ACBD6: variants seen among roughly 807,000 people sequenced by gnomAD.
ACBD6 encodes acyl-CoA binding domain containing 6, also known as acyl-CoA-binding domain-containing protein 6.
A neutral mutation model predicts 37.2 loss-of-function variants in ACBD6; 28 were observed. The ratio of observed to expected loss-of-function variants is 0.75; its 90% CI spans 0.56 to 1.03. ACBD6 has a LOEUF of 1.03. ACBD6 is among the 50% of genes least tolerant of loss of function. The pLI is 0.00. For missense variants in ACBD6, 340 were observed against 337.4 expected (o/e 1.01, Z -0.06); for synonymous variants, 113 against 126.8 (o/e 0.89, Z 0.73).
At chr1:180,423,045 C>T (rs1648438305) in intron 4 of ACBD6, among the ~76,000 whole-genome samples, 1 of 152,008 alleles carries the variant, frequency 6.6e-6, no homozygotes, top group South Asian at 2.1e-4. Context: ...TTGTGATGAA[C>T]TTTTTATAAC....
rs1052090094 is a variant in ACBD6 at position 180,294,138 on chromosome 1, G to A, written c.695-5621C>T. Among the ~76,000 whole-genome samples the A allele has an allele frequency of 5.3e-4, 80 of 151,744 alleles. 1 individual carries two copies. The highest frequency in any genetic ancestry group is 5.0e-4 in the Non-Finnish European group (34 of 67,864). ...TCGAACTCCTGACCTCAGGTGATCC[G>A]CCCGCCCCAGCCTCCCAAAGTGCTG... is the stretch of plus-strand genomic sequence containing the variant. On this transcript the variant is annotated intron_variant, in intron 7 of 7. Coordinates refer to ENST00000367595, the MANE Select transcript of ACBD6 (RefSeq NM_032360.4).
chr1:180,412,663 C>G (rs1275765218), intron 5 of ACBD6, among the ~76,000 whole-genome samples: 1 of 152,004 alleles, frequency 6.6e-6, no homozygotes, highest in African/African-American at 2.4e-5. Context: ...GCCAGGAGGA[C>G]AAGACCAACC....
chr1:180,436,165 TG>T (rs1326337492), intron 3 of ACBD6, among the ~76,000 whole-genome samples: 2 of 152,186 alleles, frequency 1.3e-5, no homozygotes, highest in African/African-American at 4.8e-5. Flanking sequence ...GGGGGTAACT[TG>T]GTGGCCCCTT....
intron 6 of ACBD6, among the ~76,000 whole-genome samples, chr1:180,317,230 GT>G (rs2149292375): frequency 6.6e-6 from 1 of 152,250 alleles, no homozygotes; most frequent in South Asian, 2.1e-4. Flanking sequence ...AGAGAGTGTG[GT>G]CAAAGAAGCT....
At chr1:180,389,111 G>A (rs775108646) in intron 6 of ACBD6, among the ~76,000 whole-genome samples, 1 of 152,068 alleles carries the variant, frequency 6.6e-6, no homozygotes, top group Non-Finnish European at 1.5e-5. Context: ...CCATTGACTC[G>A]TCATTTAGCA....
chr1:180,432,341 G>T (rs551673361), intron 3 of ACBD6, among the ~76,000 whole-genome samples: 16 of 152,114 alleles, frequency 1.1e-4, no homozygotes, highest in African/African-American at 3.9e-4. Flanking sequence ...AAGAAAATTT[G>T]CAAAACACTT....
At chr1:180,368,833 T>C (rs1653148824) in intron 6 of ACBD6, among the ~76,000 whole-genome samples, 1 of 152,114 alleles carries the variant, frequency 6.6e-6, no homozygotes, top group African/African-American at 2.4e-5. Flanking sequence ...GTGTATGTGG[T>C]ATCCTTTCCT....
In ACBD6 at chr1:180,494,110, A is replaced by G. The variant is rs148747984; in HGVS notation, c.287+1351T>C. ...AAAAGTAAATGGTGGGTCAGCCTGT[A>G]ACCCACGGTTTTGCTCCCCAATAGT... On this transcript the variant is annotated intron_variant, in intron 2 of 7. Transcript: ENST00000367595. Among the ~76,000 whole-genome samples the G allele has an allele frequency of 4.6e-3, 700 of 152,304 alleles. 4 individuals carry two copies. Among genetic ancestry groups the G allele is most frequent in the Non-Finnish European group, 5.3e-3 (361 of 68,028 alleles).
In ACBD6 at chr1:180,434,763, C is replaced by T. The variant is rs78567686; in HGVS notation, c.385-4501G>A. 3,165 of 626,026 alleles carry T rather than the reference C, an allele frequency of 5.1e-3. 50 individuals are homozygous for T. The highest frequency in any genetic ancestry group is 0.038 in the African/African-American group (2,056 of 54,742). The allele number at this position is 626,026 out of a possible 1,614,324, so 38.8% of individuals were successfully genotyped here. On this transcript the variant is annotated intron_variant, in intron 3 of 7. Coordinates refer to ENST00000367595, the MANE Select transcript of ACBD6 (RefSeq NM_032360.4). ...TAAAACTACCTCAACAGGCCATAGC[C>T]GCAACCGAGCCTGCTGCCAATGCCT...
intron 3 of ACBD6, among the ~76,000 whole-genome samples, chr1:180,490,642 C>T (rs1651456112): frequency 6.6e-6 from 1 of 151,472 alleles, no homozygotes; most frequent in Admixed American, 6.6e-5. Flanking sequence ...AAAAATTAAC[C>T]GGGTGTGGTG....
intron 3 of ACBD6, among the ~76,000 whole-genome samples, chr1:180,445,410 T>C (rs1205711267): frequency 1.3e-5 from 2 of 152,172 alleles, no homozygotes; most frequent in Non-Finnish European, 2.9e-5. Context: ...AGAAAACTAA[T>C]ACTTAAGGAA....
chr1:180,421,040 A>G (rs1482660888), intron 4 of ACBD6, among the ~76,000 whole-genome samples: 2 of 151,966 alleles, frequency 1.3e-5, no homozygotes, highest in African/African-American at 4.8e-5. Context: ...TTCGGGGTAC[A>G]TGTACAGGAT....
At chr1:180,368,836 C>T (rs776770821) in intron 6 of ACBD6, among the ~76,000 whole-genome samples, 6 of 151,938 alleles carry the variant, frequency 3.9e-5, no homozygotes, top group Non-Finnish European at 5.9e-5. Flanking sequence ...TATGTGGTAT[C>T]CTTTCCTCTC....
rs1320311628 is a variant in ACBD6 at position 180,417,211 on chromosome 1, T to C, written c.468-3740A>G. ...TCCAGCTCTTCATCTTCTAGATAAA[T>C]GTATTCTTTACTAAACTGATCTACC... On this transcript the variant is annotated intron_variant, in intron 4 of 7. Transcript: ENST00000367595. Among the ~76,000 whole-genome samples, 4 of 152,306 alleles carry C rather than the reference T, an allele frequency of 2.6e-5. No homozygotes were observed. The East Asian group carries it at 7.7e-4, about 29-fold the overall frequency.
chr1:180,350,612 T>C (rs1652371604), intron 6 of ACBD6, among the ~76,000 whole-genome samples: 2 of 152,188 alleles, frequency 1.3e-5, no homozygotes, highest in Admixed American at 6.5e-5. Context: ...AATTCCTTAC[T>C]CTGAGTATTT....
intron 4 of ACBD6, among the ~76,000 whole-genome samples, chr1:180,417,199 C>T (rs1648134605): frequency 6.6e-6 from 1 of 152,124 alleles, no homozygotes; most frequent in African/African-American, 2.4e-5. Context: ...AGCTCTTCAT[C>T]TTCTAGATAA....
At chr1:180,274,387 C>T (rs1648896167) in intron 10 of ACBD6, 2 of 1,614,196 alleles carry the variant, frequency 1.2e-6, no homozygotes, top group Non-Finnish European at 1.7e-6. Flanking sequence ...CTCCTTTGCT[C>T]AATGGGCTGG....
At chr1:180,416,757 C>G (rs958992586) in intron 4 of ACBD6, among the ~76,000 whole-genome samples, 11 of 152,098 alleles carry the variant, frequency 7.2e-5, no homozygotes, top group Admixed American at 6.5e-4. Flanking sequence ...GCTTTTTCAC[C>G]CAATCACAGG....
At chr1:180,457,938 G>A (rs1309174214) in intron 3 of ACBD6, among the ~76,000 whole-genome samples, 2 of 151,698 alleles carry the variant, frequency 1.3e-5, no homozygotes, top group Non-Finnish European at 2.9e-5. Flanking sequence ...GATTACAGGC[G>A]CCCACCACCA....
Sources: gnomAD v4.1 joint callset for allele counts (sites outside exome capture counted in the v4.1 genomes callset) on GRCh38, gnomAD v4.1.1 for gene constraint, MANE v1.5 for transcripts, NCBI Gene and HGNC (gene_info 2026-07-23, HGNC 2026-07-21) for gene names.